GPC3: variants seen among roughly 807,000 people sequenced by gnomAD.
The protein encoded by GPC3 is glypican 3, also known as glypican-3.
A neutral mutation model predicts 34.4 loss-of-function variants in GPC3; 3 were observed. The ratio of observed to expected loss-of-function variants is 0.09; its 90% CI spans 0.04 to 0.23. The LOEUF (loss-of-function observed/expected upper bound fraction) is 0.23. Among genes scored for constraint, GPC3 ranks in the 10% least tolerant of loss-of-function variants. The probability of loss-of-function intolerance (pLI) is 1.00; values close to 1 mark genes in which losing one functional copy is unlikely to be tolerated. For synonymous variants in GPC3, 177 were observed against 174.0 expected (o/e 1.02, Z -0.13); for missense variants, 351 against 445.6 (o/e 0.79, Z 1.91).
intron 6 of GPC3, among the ~76,000 whole-genome samples, chrX:133,650,303 G>T (rs915282761): frequency 9.0e-6 from 1 of 110,676 alleles, no homozygotes; most frequent in African/African-American, 3.3e-5. Flanking sequence ...TCCTGGTGGG[G>T]CTGAAGATTA....
chrX:133,935,133 T>C (rs1012602555), intron 2 of GPC3, among the ~76,000 whole-genome samples: 6 of 111,996 alleles, frequency 5.4e-5, no homozygotes, highest in African/African-American at 1.9e-4. Flanking sequence ...TATACTCAAA[T>C]GTTCCCCCTC....
intron 3 of GPC3, among the ~76,000 whole-genome samples, chrX:133,742,855 C>T (rs1350241112): frequency 3.6e-5 from 4 of 111,976 alleles, no homozygotes; most frequent in African/African-American, 9.7e-5. Context: ...GACTCTGCTT[C>T]CTACTTTATC....
chrX:133,824,173 G>A (rs2075734774), intron 2 of GPC3, among the ~76,000 whole-genome samples: 1 of 110,336 alleles, frequency 9.1e-6, no homozygotes, highest in Non-Finnish European at 1.9e-5. Flanking sequence ...AAACAGAAAG[G>A]AAAAAACAGA....
chrX:133,776,181 T>G (rs1028205274), intron 2 of GPC3, among the ~76,000 whole-genome samples: 1 of 111,915 alleles, frequency 8.9e-6, no homozygotes, highest in African/African-American at 3.3e-5. Flanking sequence ...AGCAGAAAAC[T>G]GAGGAGATAT....
intron 7 of GPC3, among the ~76,000 whole-genome samples, chrX:133,548,598 C>G (rs1268232497): frequency 9.0e-6 from 1 of 111,319 alleles, no homozygotes; most frequent in African/African-American, 3.3e-5. Context: ...AGATGAATAG[C>G]CTCCCTAAGT....
At chrX:133,712,253 A>T (rs1348030155) in intron 3 of GPC3, among the ~76,000 whole-genome samples, 1 of 111,994 alleles carries the variant, frequency 8.9e-6, no homozygotes, top group East Asian at 2.8e-4. Flanking sequence ...GTAGATTACA[A>T]CTGTAATTAA....
rs6638112 is a variant in GPC3, at chrX:133,622,576, C to T, written c.1414-25977G>A. The stretch of plus-strand genomic sequence containing the variant: ...CAACTGGAAGAAAGGGTATCAGTGA[C>T]TGAAGATCAAATGAATGAAATGAAG... On this transcript the variant is annotated intron_variant, in intron 6 of 7. Transcript: ENST00000370818. Among the ~76,000 whole-genome samples, 194 of 111,618 alleles carry T rather than the reference C, an allele frequency of 1.7e-3. 1 individual carries two copies. The highest frequency in any genetic ancestry group is 6.1e-3 in the African/African-American group (186 of 30,666).
chrX:133,756,358 C>T (rs1262062524), intron 2 of GPC3, among the ~76,000 whole-genome samples: 1 of 112,256 alleles, frequency 8.9e-6, no homozygotes, highest in African/African-American at 3.2e-5. Flanking sequence ...CCATTGGCTT[C>T]CCATCTTCAA....
chrX:133,830,694 A>C (rs185846376), intron 2 of GPC3, among the ~76,000 whole-genome samples: 1,470 of 107,469 alleles, frequency 0.014, 53 homozygotes, highest in African/African-American at 0.046. Context: ...AAAAAAAAAA[A>C]AAAAAAAAAA....
chrX:133,887,612 C>T (rs1241807132), intron 2 of GPC3, among the ~76,000 whole-genome samples: 1 of 111,862 alleles, frequency 8.9e-6, no homozygotes, highest in Non-Finnish European at 1.9e-5. Context: ...TATTGGAATG[C>T]TAAGCTTGTG....
intron 2 of GPC3, among the ~76,000 whole-genome samples, chrX:133,865,221 A>G (rs1412753290): frequency 8.9e-6 from 1 of 112,149 alleles, no homozygotes; most frequent in Non-Finnish European, 1.9e-5. Context: ...CTGCAACCAT[A>G]GTTTCTAAAA....
At chrX:133,686,474 A>T (rs1244219804) in intron 5 of GPC3, among the ~76,000 whole-genome samples, 1 of 112,253 alleles carries the variant, frequency 8.9e-6, no homozygotes. Context: ...AAGTACTGAT[A>T]TGTGCTACAA....
At position 133,885,083 on chromosome X, in the gene GPC3, A is replaced by T. The variant is rs550935246; in HGVS notation, c.337+67967T>A. ...TGGCACTAAATATTTTGCTCTTGCA[A>T]ACACATGTCATTTAACCTAATTTCA... On this transcript the variant is annotated intron_variant, in intron 2 of 7. Transcript: ENST00000370818. Among the ~76,000 whole-genome samples, 38 of 112,068 alleles carry T rather than the reference A, an allele frequency of 3.4e-4. 1 individual carries two copies. The South Asian group carries it at 0.014, about 41-fold the overall frequency.
intron 2 of GPC3, among the ~76,000 whole-genome samples, chrX:133,815,343 T>C (rs2075685469): frequency 9.1e-6 from 1 of 110,198 alleles, no homozygotes; most frequent in African/African-American, 3.3e-5. Context: ...AGCCTATCTT[T>C]CCCCAGGAGT....
At chrX:133,756,642 T>C (rs1363585301) in intron 2 of GPC3, among the ~76,000 whole-genome samples, 3 of 112,766 alleles carry the variant, frequency 2.7e-5, no homozygotes. Context: ...TTTCTGTTAC[T>C]AGCACTCCTA....
chrX:133,678,904 C>T (rs933522591), intron 5 of GPC3, among the ~76,000 whole-genome samples: 3 of 112,055 alleles, frequency 2.7e-5, no homozygotes, highest in Non-Finnish European at 3.8e-5. Flanking sequence ...TTGTATGCTT[C>T]GATTCTCTGA....
chrX:133,609,617 T>A (rs1186563465), intron 6 of GPC3, among the ~76,000 whole-genome samples: 1 of 112,437 alleles, frequency 8.9e-6, no homozygotes, highest in Admixed American at 9.4e-5. Context: ...TTAACAAAAT[T>A]CATAGTCATT....
chrX:133,909,234 G>A (rs61550131), intron 2 of GPC3, among the ~76,000 whole-genome samples: 2 of 112,254 alleles, frequency 1.8e-5, no homozygotes, highest in African/African-American at 6.5e-5. Context: ...CATTGAATCC[G>A]CTGATCAACC....
intron 3 of GPC3, chrX:133,704,181 C>G: frequency 1.0e-6 from 1 of 990,293 alleles, no homozygotes; most frequent in Non-Finnish European, 1.3e-6. Context: ...TTCACTGTGA[C>G]CTGGTCCCAT....
Sources: gnomAD v4.1 joint callset for allele counts (sites outside exome capture counted in the v4.1 genomes callset) on GRCh38, gnomAD v4.1.1 for gene constraint, MANE v1.5 for transcripts, NCBI Gene and HGNC (gene_info 2026-07-23, HGNC 2026-07-21) for gene names.